Variants in ATG2B observed in about 807,000 individuals in gnomAD.
The protein encoded by ATG2B is autophagy related 2B.
In ATG2B, 121 loss-of-function variants were observed where a neutral mutation model predicts 241.3. The observed-to-expected ratio is 0.50, with a 90% CI of 0.43 to 0.58. The LOEUF (loss-of-function observed/expected upper bound fraction) is 0.58, where lower values mean the gene tolerates loss of function less well. Ranked by LOEUF, ATG2B falls within the 20% of genes least tolerant of loss-of-function variation. The probability of loss-of-function intolerance (pLI) is 0.00; values close to 1 mark genes in which losing one functional copy is unlikely to be tolerated. For missense variants in ATG2B, 2,306 were observed against 2,491.6 expected, an observed-to-expected ratio of 0.93 and a Z score of 1.59; for synonymous variants, 858 against 876.6, an observed-to-expected ratio of 0.98 and a Z score of 0.37.
intron 18 of ATG2B, among the ~76,000 whole-genome samples, chr14:96,321,645 G>C (rs536945353): frequency 6.6e-6 from 1 of 151,892 alleles, no homozygotes; most frequent in African/African-American, 2.4e-5. Flanking sequence ...ATATTGAGGG[G>C]TATCTAAATA....
At chr14:96,322,791 T>G in intron 16 of ATG2B, 56 bp from the exon 17 acceptor site, 2 of 1,462,272 alleles carry the variant, frequency 1.4e-6, no homozygotes, top group Non-Finnish European at 9.3e-7. Context: ...CAGCAAAACT[T>G]TAACTTTTGT....
chr14:96,305,066 G>A (rs1239261157), intron 31 of ATG2B, among the ~76,000 whole-genome samples: 4 of 152,112 alleles, frequency 2.6e-5, no homozygotes, highest in Non-Finnish European at 4.4e-5. Flanking sequence ...ACTGCTCCAC[G>A]CAGCCTCCAT....
intron 22 of ATG2B, 31 bp downstream of exon 22, chr14:96,315,353 C>T (rs752910939): frequency 1.2e-5 from 19 of 1,601,688 alleles, no homozygotes; most frequent in Admixed American, 1.7e-5. Context: ...AGAATCAAAT[C>T]AACAGTGGCA....
chr14:96,328,564 A>G, intron 13 of ATG2B, 29 bp from the exon 14 acceptor site: 1 of 1,572,396 alleles, frequency 6.4e-7, no homozygotes, highest in South Asian at 1.2e-5. Context: ...AAAAGGCATT[A>G]ATACAATCAC....
chr14:96,332,764 A>G, intron 8 of ATG2B, 109 bp from the exon 9 acceptor site: 2 of 836,482 alleles, frequency 2.4e-6, no homozygotes, highest in East Asian at 6.3e-5. Flanking sequence ...TATATGAGAT[A>G]CAGCGATGCC....
At position 96,280,052 on chromosome 14, in the gene ATG2B, G is replaced by A. The variant is rs1886156883; in HGVS notation, c.*5703C>T. On this transcript the variant is annotated 3_prime_UTR_variant, in exon 42 of 42. Transcript: ENST00000359933. ...GCATTTATAGAAAGAAATCTTCCAGGTGGTGCTAACCCCTACTCACGGGCA... is the reference window on the plus strand; with the variant it reads ...GCATTTATAGAAAGAAATCTTCCAGATGGTGCTAACCCCTACTCACGGGCA... 1.3e-5 allele frequency: 2 copies of A among 152,398 alleles called. No homozygotes were observed. Among genetic ancestry groups the A allele is most frequent in the South Asian group, 2.1e-4 (1 of 4,832 alleles). 9.4% of individuals were successfully genotyped at this position (152,398 alleles called of 1,614,324 possible). A position where few individuals can be genotyped will look rare whatever the true frequency, so the allele number is the denominator to read the frequency against.
intron 29 of ATG2B, 50 bp downstream of exon 29, chr14:96,309,403 T>C: frequency 1.9e-6 from 3 of 1,546,236 alleles, no homozygotes; most frequent in South Asian, 2.5e-5. Context: ...ACAAATAAAG[T>C]AAGCCCCAAC....
intron 7 of ATG2B, 80 bp downstream of exon 7, chr14:96,334,325 A>G (rs1299133171): frequency 1.5e-5 from 12 of 815,688 alleles, no homozygotes; most frequent in Non-Finnish European, 2.3e-5. Flanking sequence ...ACTTTCCTAC[A>G]TGTACATACA....
intron 1 of ATG2B, among the ~76,000 whole-genome samples, chr14:96,357,552 C>T (rs969593575): frequency 2.6e-5 from 4 of 152,158 alleles, no homozygotes; most frequent in Admixed American, 1.3e-4. Context: ...TCTCCTCCTC[C>T]CACTCCCAAC....
chr14:96,358,536 CTAAGTA>C (rs939981413), intron 1 of ATG2B, among the ~76,000 whole-genome samples: 10 of 152,146 alleles, frequency 6.6e-5, no homozygotes, highest in African/African-American at 1.9e-4. Context: ...AATAATTTCC[CTAAGTA>C]TAAGATGTTT....
In ATG2B at chr14:96,309,585, T is replaced by A; in HGVS notation, c.4171A>T (p.Ser1391Cys). ...GGACCACGTGAGGATGATCGACCAC[T>A]GGAATCTACCTATAGCCAAAAAACC... is the stretch of plus-strand genomic sequence containing the variant. ...AFQRRSKVDS[S>C]GRSSSRGPVL... Residue 1391 changes from serine to cysteine, a missense_variant, in exon 29 of 42, where the codon AGT (serine) becomes TGT (cysteine). By Grantham distance (112) the Ser-to-Cys change is moderately radical. Coordinates refer to ENST00000359933, the MANE Select transcript of ATG2B (RefSeq NM_018036.7). The A allele has an allele frequency of 6.2e-7, 1 of 1,611,946 alleles. No individual in the cohort carries two copies. Among genetic ancestry groups the A allele is most frequent in the Non-Finnish European group, 8.5e-7 (1 of 1,178,974 alleles).
intron 18 of ATG2B, among the ~76,000 whole-genome samples, chr14:96,319,134 A>G (rs1887394031): frequency 6.6e-6 from 1 of 152,222 alleles, no homozygotes; most frequent in African/African-American, 2.4e-5. Flanking sequence ...CTGCCAGGAC[A>G]ATTCTTGAGC....
At chr14:96,304,626 A>C in intron 31 of ATG2B, 23 bp from the exon 32 acceptor site, 1 of 1,539,358 alleles carries the variant, frequency 6.5e-7, no homozygotes, top group South Asian at 1.2e-5. Flanking sequence ...AAAAAAAAAA[A>C]AAACCCTTTT....
intron 12 of ATG2B, 117 bp downstream of exon 12, chr14:96,329,367 C>T (rs887371206): frequency 6.4e-6 from 4 of 622,612 alleles, no homozygotes; most frequent in Non-Finnish European, 7.7e-6. Context: ...AAGAAAATGA[C>T]AATATTCCTC....
chr14:96,328,349 G>A lies in ATG2B; in HGVS notation c.2161C>T (p.Leu721=). 1 of 1,598,950 alleles carries A rather than the reference G, an allele frequency of 6.3e-7. No homozygotes were observed. ...MYTSYNKHIS[L]HKAFTEVFLD... ...ATTTGCAGCTTTTGAATACTTACCA[G>A]ACTAATATGTTTATTATATGAAGTA... Residue 721 remains leucine, a splice_region_variant and synonymous_variant, in exon 14 of 42, where the codon CTG becomes TTG. Transcript: ENST00000359933.
intron 34 of ATG2B, among the ~76,000 whole-genome samples, chr14:96,299,860 A>C (rs936600069): frequency 1.4e-4 from 21 of 152,266 alleles, no homozygotes; most frequent in African/African-American, 4.6e-4. Flanking sequence ...GGTTAGAAAA[A>C]TAATACTCAA....
chr14:96,343,085 T>C (rs1287119349), intron 5 of ATG2B, 34 bp downstream of exon 5: 1 of 1,471,486 alleles, frequency 6.8e-7, no homozygotes, highest in Non-Finnish European at 9.1e-7. Context: ...AAAAAATCTA[T>C]GATTATGGTT....
rs1887779782 is a variant in ATG2B at position 96,332,951 on chromosome 14, T to C, written c.1208-296A>G. 2.0e-5 allele frequency among the ~76,000 whole-genome samples: 3 copies of C among 152,102 alleles called. No individual in the cohort carries two copies. The South Asian group carries it at 6.2e-4, about 32-fold the overall frequency. On this transcript the variant is annotated intron_variant, in intron 8 of 41. Coordinates refer to ENST00000359933, the MANE Select transcript of ATG2B (RefSeq NM_018036.7). ...GTATATTTTTAATGTGATATGCCAG[T>C]TTAGGAATTAAAATCAGATATTAAA...
chr14:96,310,901 AG>A lies in ATG2B; in HGVS notation c.4161+215del, dbSNP rs1887133643. On this transcript the variant is annotated intron_variant, in intron 28 of 41. Transcript: ENST00000359933. Reference sequence around the variant, plus strand: ...GAAAAAAAAAAGTATGATGTTTGCTAGGAAGATTAATGGAAACAAAGAATAT... The same window carrying A: ...GAAAAAAAAAAGTATGATGTTTGCTAGAAGATTAATGGAAACAAAGAATAT... Among the ~76,000 whole-genome samples the A allele has an allele frequency of 1.3e-5, 2 of 152,200 alleles. 1 individual carries two copies. The highest frequency in any genetic ancestry group is 2.9e-5 in the Non-Finnish European group (2 of 68,038).
Sources: allele counts gnomAD v4.1 joint callset (sites outside exome capture counted in the v4.1 genomes callset), GRCh38; gene constraint gnomAD v4.1.1; transcripts MANE v1.5; gene names NCBI Gene and HGNC (gene_info 2026-07-23, HGNC 2026-07-21).